CDH12: variants seen among roughly 807,000 people sequenced by gnomAD.
The protein encoded by CDH12 is cadherin-12.
CDH12 carries 41 observed loss-of-function variants against 74.1 expected under a neutral mutation model. The observed-to-expected ratio is 0.55, with a 90% CI of 0.43 to 0.72. The LOEUF (loss-of-function observed/expected upper bound fraction) is 0.72, where lower values mean the gene tolerates loss of function less well. Ranked by LOEUF, CDH12 falls within the 30% of genes least tolerant of loss-of-function variation. The pLI is 0.00. For synonymous variants in CDH12, 399 were observed against 355.0 expected (o/e 1.12, Z -1.39); for missense variants, 945 against 977.2 (o/e 0.97, Z 0.44).
chr5:22,265,562 T>C (rs545175093), intron 3 of CDH12, among the ~76,000 whole-genome samples: 10 of 152,308 alleles, frequency 6.6e-5, no homozygotes, highest in Middle Eastern at 3.4e-3. Flanking sequence ...TGTGGCTCTA[T>C]TGTTTTAACA....
chr5:22,654,884 G>T (rs552626957), intron 1 of CDH12, among the ~76,000 whole-genome samples: 2 of 152,166 alleles, frequency 1.3e-5, no homozygotes, highest in South Asian at 4.1e-4. Context: ...GCCTGCCTCA[G>T]CCTCTCAACG....
At chr5:22,577,858 A>C in intron 1 of CDH12, among the ~76,000 whole-genome samples, 1 of 152,202 alleles carries the variant, frequency 6.6e-6, no homozygotes, top group Non-Finnish European at 1.5e-5. Flanking sequence ...TATTGCAAAG[A>C]CAACCTGATT....
rs77857676 is a variant in CDH12 at position 22,433,048 on chromosome 5, C to T, written c.-427-27697G>A. The stretch of plus-strand genomic sequence containing the variant: ...AGAAGTGATTAGAATTCAATACAGA[C>T]CAAGAAAAGCTGACCTTGGCAAACC... On this transcript the variant is annotated intron_variant, in intron 2 of 14. Transcript: ENST00000382254. 9.8e-3 allele frequency among the ~76,000 whole-genome samples: 1,495 copies of T among 152,172 alleles called. 10 individuals carry two copies. Among genetic ancestry groups the T allele is most frequent in the Non-Finnish European group, 0.013 (856 of 68,002 alleles).
At chr5:22,697,431 G>T (rs939212099) in intron 1 of CDH12, among the ~76,000 whole-genome samples, 3 of 151,892 alleles carry the variant, frequency 2.0e-5, no homozygotes, top group African/African-American at 7.3e-5. Context: ...AATTAGCCAG[G>T]CGTGGTGGCG....
intron 5 of CDH12, among the ~76,000 whole-genome samples, chr5:21,982,478 TAG>T (rs1416030750): frequency 6.6e-6 from 1 of 151,620 alleles, no homozygotes; most frequent in Non-Finnish European, 1.5e-5. Context: ...TATACCTATA[TAG>T]AGAGATATAT....
chr5:22,395,137 G>A (rs749767071), intron 3 of CDH12, among the ~76,000 whole-genome samples: 6 of 152,142 alleles, frequency 3.9e-5, no homozygotes, highest in Non-Finnish European at 8.8e-5. Flanking sequence ...TGGATTATCT[G>A]AGCAGGATCT....
intron 2 of CDH12, among the ~76,000 whole-genome samples, chr5:22,450,308 G>A (rs1009704120): frequency 2.3e-4 from 35 of 151,616 alleles, no homozygotes; most frequent in Admixed American, 1.3e-3. Context: ...ATATCCCCAC[G>A]TCAATAAACA....
intron 4 of CDH12, among the ~76,000 whole-genome samples, chr5:22,082,231 T>C (rs973138731): frequency 2.6e-5 from 4 of 152,148 alleles, no homozygotes; most frequent in Non-Finnish European, 5.9e-5. Flanking sequence ...CCTCAGCATA[T>C]GATTTATTTT....
rs558797108 is a variant in CDH12 at position 22,807,599 on chromosome 5, G to GT, written c.-523+45458dup. ...GAATTTACTTATGTGAACTTAGATGGTATAGCCCACTACATACCTAGGCTA... is the reference window on the plus strand; with the variant it reads ...GAATTTACTTATGTGAACTTAGATGGTTATAGCCCACTACATACCTAGGCTA... On this transcript the variant is annotated intron_variant, in intron 1 of 14. Transcript: ENST00000382254. 5.9e-5 allele frequency among the ~76,000 whole-genome samples: 9 copies of GT among 152,286 alleles called. No individual in the cohort carries two copies. In the South Asian group the frequency reaches 1.9e-3, roughly 32 times the overall value.
intron 2 of CDH12, among the ~76,000 whole-genome samples, chr5:22,455,453 C>A (rs975377117): frequency 6.6e-6 from 1 of 152,062 alleles, no homozygotes; most frequent in South Asian, 2.1e-4. Flanking sequence ...TTCTCAGATC[C>A]AATACCAGAA....
chr5:22,692,717 G>A (rs1022687424), intron 1 of CDH12, among the ~76,000 whole-genome samples: 50 of 152,198 alleles, frequency 3.3e-4, no homozygotes, highest in African/African-American at 1.2e-3. Flanking sequence ...AAAATTATTA[G>A]AGAATCCTTG....
At chr5:22,706,371 A>G (rs1455822292) in intron 1 of CDH12, among the ~76,000 whole-genome samples, 2 of 152,068 alleles carry the variant, frequency 1.3e-5, no homozygotes, top group Non-Finnish European at 2.9e-5. Flanking sequence ...GGATTCATAA[A>G]TCATAATTCA....
intron 4 of CDH12, among the ~76,000 whole-genome samples, chr5:22,081,785 A>G (rs148440408): frequency 3.3e-4 from 51 of 152,328 alleles, no homozygotes; most frequent in African/African-American, 1.1e-3. Flanking sequence ...AAATGTGTCT[A>G]AAATCTGAGC....
chr5:22,818,476 A>C (rs1182032185), intron 1 of CDH12, among the ~76,000 whole-genome samples: 1 of 151,980 alleles, frequency 6.6e-6, no homozygotes, highest in Non-Finnish European at 1.5e-5. Context: ...TATTTTCCCT[A>C]GGTTTTATAT....
In CDH12 at chr5:22,821,829, G is replaced by A. The variant is rs1213099059; in HGVS notation, c.-523+31229C>T. Among the ~76,000 whole-genome samples the A allele has an allele frequency of 1.1e-4, 17 of 151,216 alleles. 1 individual carries two copies. Among genetic ancestry groups the A allele is most frequent in the Admixed American group, 8.6e-4 (13 of 15,134 alleles). Reference sequence around the variant, plus strand: ...GCCCAAGGTAATTTATAGATTCAATGCCATCCCCATCAAGCTACCAATGAC... The same window carrying A: ...GCCCAAGGTAATTTATAGATTCAATACCATCCCCATCAAGCTACCAATGAC... On this transcript the variant is annotated intron_variant, in intron 1 of 14. Coordinates refer to ENST00000382254, the MANE Select transcript of CDH12 (RefSeq NM_004061.5).
At chr5:22,060,885 C>A (rs974935026) in intron 5 of CDH12, among the ~76,000 whole-genome samples, 2 of 152,130 alleles carry the variant, frequency 1.3e-5, no homozygotes, top group African/African-American at 4.8e-5. Context: ...TATCATGTAA[C>A]CCACTACATG....
In CDH12 at chr5:21,816,959, T is replaced by C. The variant is rs776283058; in HGVS notation, c.988A>G (p.Ile330Val). ...VTDEDTQEGVIKLKKPLDFET... is the reference protein window; with the variant it reads ...VTDEDTQEGVVKLKKPLDFET... Reference sequence around the variant, plus strand: ...TGTCTATATACCTTTTTCAATTTGATGACTCCCTCTTGTGTATCCTCATCT... The same window carrying C: ...TGTCTATATACCTTTTTCAATTTGACGACTCCCTCTTGTGTATCCTCATCT... The change falls in exon 9 of 15, where the codon ATC (isoleucine) becomes GTC (valine). Residue 330 changes from isoleucine (I) to valine (V), a missense_variant. Ile to Val is a conservative substitution (Grantham distance 29, BLOSUM62 3). Coordinates refer to ENST00000382254, the MANE Select transcript of CDH12 (RefSeq NM_004061.5). 3 of 1,604,648 alleles carry C rather than the reference T, an allele frequency of 1.9e-6. No individual in the cohort carries two copies. The South Asian group carries it at 3.3e-5, about 18-fold the overall frequency.
At chr5:22,794,141 C>T (rs539373792) in intron 1 of CDH12, among the ~76,000 whole-genome samples, 2 of 152,290 alleles carry the variant, frequency 1.3e-5, no homozygotes, top group East Asian at 3.9e-4. Flanking sequence ...CTGAAAAGCT[C>T]ATATGTCCCA....
intron 3 of CDH12, among the ~76,000 whole-genome samples, chr5:22,277,108 C>T (rs1399311336): frequency 2.0e-5 from 3 of 152,080 alleles, no homozygotes; most frequent in African/African-American, 7.2e-5. Flanking sequence ...CATTTTGTGC[C>T]GCCTGTGGCA....
Sources: allele counts gnomAD v4.1 joint callset (sites outside exome capture counted in the v4.1 genomes callset), GRCh38; gene constraint gnomAD v4.1.1; transcripts MANE v1.5; gene names NCBI Gene and HGNC (gene_info 2026-07-23, HGNC 2026-07-21).